NPAS2: variants seen among roughly 807,000 people sequenced by gnomAD.
The protein encoded by NPAS2 is neuronal PAS domain protein 2, also known as neuronal PAS domain-containing protein 2.
A neutral mutation model predicts 107.5 loss-of-function variants in NPAS2; 23 were observed. The ratio of observed to expected loss-of-function variants is 0.21; its 90% CI spans 0.15 to 0.30. NPAS2 has a LOEUF of 0.30. Among genes scored for constraint, NPAS2 ranks in the 10% least tolerant of loss-of-function variants. The pLI is 1.00. For synonymous variants in NPAS2, 403 were observed against 417.5 expected, an observed-to-expected ratio of 0.97 and a Z score of 0.42; for missense variants, 756 against 1,043.3, an observed-to-expected ratio of 0.72 and a Z score of 3.79.
intron 1 of NPAS2, among the ~76,000 whole-genome samples, chr2:100,903,569 A>T (rs1681933245): frequency 6.6e-6 from 1 of 152,250 alleles, no homozygotes; most frequent in Admixed American, 6.5e-5. Context: ...CTGAAACTTT[A>T]TATTTCAAGA....
chr2:100,967,662 T>A (rs1233057209), intron 10 of NPAS2, among the ~76,000 whole-genome samples: 3 of 152,200 alleles, frequency 2.0e-5, no homozygotes, highest in Non-Finnish European at 4.4e-5. Flanking sequence ...TCCATCTTTC[T>A]GCCCTGCCCA....
At chr2:100,920,501 G>A (rs964840390) in intron 2 of NPAS2, among the ~76,000 whole-genome samples, 1 of 152,112 alleles carries the variant, frequency 6.6e-6, no homozygotes, top group African/African-American at 2.4e-5. Context: ...GGATGTTTGA[G>A]TTCCACCCAT....
intron 1 of NPAS2, among the ~76,000 whole-genome samples, chr2:100,868,585 G>A (rs559260562): frequency 7.9e-5 from 12 of 152,164 alleles, no homozygotes; most frequent in Middle Eastern, 3.4e-3. Context: ...CCATTCCCTC[G>A]AATATCTCTT....
intron 2 of NPAS2, among the ~76,000 whole-genome samples, chr2:100,908,975 G>A (rs1322078570): frequency 6.6e-6 from 1 of 152,200 alleles, no homozygotes; most frequent in Non-Finnish European, 1.5e-5. Context: ...CAATAAAGTG[G>A]TTCAGATGAG....
At chr2:100,872,810 C>T (rs1408148095) in intron 1 of NPAS2, among the ~76,000 whole-genome samples, 1 of 152,084 alleles carries the variant, frequency 6.6e-6, no homozygotes, top group East Asian at 1.9e-4. Flanking sequence ...GACTCAGCAT[C>T]CACCTCCAGG....
chr2:100,893,215 A>T lies in NPAS2; in HGVS notation c.-22-11518A>T, dbSNP rs532320331. Reference sequence around the variant, plus strand: ...ACATAATGAGGAAAAATCATTACCAAGCTCCCATGTGTGAGATACAGACGT... The same window carrying T: ...ACATAATGAGGAAAAATCATTACCATGCTCCCATGTGTGAGATACAGACGT... On this transcript the variant is annotated intron_variant, in intron 1 of 20. Coordinates refer to ENST00000335681, the MANE Select transcript of NPAS2 (RefSeq NM_002518.4). Among the ~76,000 whole-genome samples the T allele has an allele frequency of 5.3e-5, 8 of 152,302 alleles. No individual in the cohort carries two copies. In the East Asian group the frequency reaches 1.5e-3, roughly 29 times the overall value.
intron 1 of NPAS2, among the ~76,000 whole-genome samples, chr2:100,876,851 G>T (rs1371675855): frequency 1.3e-5 from 2 of 152,208 alleles, no homozygotes; most frequent in South Asian, 2.1e-4. Flanking sequence ...GTGGACGTCT[G>T]CCCTTAAGCA....
intron 16 of NPAS2, 49 bp downstream of exon 16, chr2:100,982,426 G>C: frequency 6.3e-7 from 1 of 1,595,506 alleles, no homozygotes; most frequent in Non-Finnish European, 8.5e-7. Context: ...GTGTGGGAAG[G>C]GGTCCTGCCG....
intron 7 of NPAS2, among the ~76,000 whole-genome samples, chr2:100,956,306 A>G (rs1675563800): frequency 6.6e-6 from 1 of 152,134 alleles, no homozygotes; most frequent in South Asian, 2.1e-4. Flanking sequence ...TCACCCAAGC[A>G]GTGAGCACAG....
intron 1 of NPAS2, chr2:100,823,626 G>C (rs1381122988): frequency 6.6e-6 from 1 of 152,222 alleles, no homozygotes. Context: ...ACGCTGGCAA[G>C]GTTTTGGGAT....
intron 1 of NPAS2, among the ~76,000 whole-genome samples, chr2:100,904,310 T>C (rs1269975426): frequency 6.6e-6 from 1 of 152,242 alleles, no homozygotes; most frequent in East Asian, 1.9e-4. Context: ...TGAGCAGGTC[T>C]GGACAGCACT....
chr2:100,955,070 G>A (rs1312499205), intron 7 of NPAS2, among the ~76,000 whole-genome samples: 1 of 152,074 alleles, frequency 6.6e-6, no homozygotes, highest in East Asian at 1.9e-4. Context: ...TAGAGATGGG[G>A]TTTCGTCATG....
In NPAS2 at chr2:100,977,737, G is replaced by C. The variant is rs764579373; in HGVS notation, c.1420G>C (p.Asp474His). Reference sequence around the variant, plus strand: ...CCCTCTGCCTTCCCCATCGTCCTGCGACCTCACACAGCAGCTCCTGCCTCA... The same window carrying C: ...CCCTCTGCCTTCCCCATCGTCCTGCCACCTCACACAGCAGCTCCTGCCTCA... ...PAPLPSPSSC[D>H]LTQQLLPQTV... The change falls in exon 15 of 21, where the codon GAC becomes CAC. Residue 474 changes from aspartate to histidine, a missense_variant. Transcript: ENST00000335681. 12 of 1,613,938 alleles carry C rather than the reference G, an allele frequency of 7.4e-6. No individual in the cohort carries two copies. Among genetic ancestry groups the C allele is most frequent in the Middle Eastern group, 1.6e-4 (1 of 6,084 alleles).
rs201453714 is a variant in NPAS2, at chr2:100,904,766, T to A, written c.12T>A (p.Asp4Glu). The A allele has an allele frequency of 6.2e-7, 1 of 1,606,878 alleles. No individual in the cohort carries two copies. The highest frequency in any genetic ancestry group is 2.2e-5 in the East Asian group (1 of 44,770). The stretch of plus-strand genomic sequence containing the variant: ...GCATAGAAAATCTAATGGATGAAGA[T>A]GAGAAAGACAGAGCCAAGAGGTAAG... MDEDEKDRAKRASR... is the reference protein window; with the variant it reads MDEEEKDRAKRASR... Residue 4 changes from aspartate to glutamate, a missense_variant, in exon 2 of 21, where the codon GAT (aspartate) becomes GAA (glutamate). Transcript: ENST00000335681.
rs1303773161 is a variant in NPAS2 at position 100,968,834 on chromosome 2, A to T, written c.1055+406A>T. 6.6e-6 allele frequency among the ~76,000 whole-genome samples: 1 copy of T among 152,196 alleles called. No individual in the cohort carries two copies. The highest frequency in any genetic ancestry group is 6.5e-5 in the Admixed American group (1 of 15,282). On this transcript the variant is annotated intron_variant, in intron 11 of 20. Transcript: ENST00000335681. This position sits in a 1 kb window ranked among gnomAD's most constrained non-coding sequence, Gnocchi z 5.3. ...AATTTTACCTCTAAATAACTCAAAC[A>T]CATATTCCCCTTTATTTTTAATGCT...
intron 1 of NPAS2, among the ~76,000 whole-genome samples, chr2:100,846,096 C>T (rs193062143): frequency 0.012 from 1,737 of 149,208 alleles, 40 homozygotes; most frequent in African/African-American, 0.039. Flanking sequence ...TCGGTGCCCA[C>T]GATTTCAGCA....
intron 2 of NPAS2, among the ~76,000 whole-genome samples, chr2:100,912,251 TATTTATTA>T (rs1359938623): frequency 1.5e-3 from 82 of 55,712 alleles, no homozygotes; most frequent in Middle Eastern, 9.6e-3. Context: ...TTTATTTATT[TATTTATTA>T]TTATTATTTT....
intron 5 of NPAS2, among the ~76,000 whole-genome samples, chr2:100,947,727 A>G (rs1674989394): frequency 6.6e-6 from 1 of 152,160 alleles, no homozygotes; most frequent in Admixed American, 6.5e-5. Flanking sequence ...CCTTGTATTT[A>G]TTTTGTAACC....
chr2:100,861,759 T>C (rs1678955832), intron 1 of NPAS2, among the ~76,000 whole-genome samples: 1 of 152,190 alleles, frequency 6.6e-6, no homozygotes, highest in Admixed American at 6.5e-5. Flanking sequence ...CCCTTTGCAA[T>C]GCTTGGCAGA....
Sources: allele counts gnomAD v4.1 joint callset (sites outside exome capture counted in the v4.1 genomes callset), GRCh38; gene constraint gnomAD v4.1.1; non-coding constraint Gnocchi (gnomAD v3.1); transcripts MANE v1.5; gene names NCBI Gene and HGNC (gene_info 2026-07-23, HGNC 2026-07-21).